The following B3GALNT2 variants were observed in gnomAD, a reference collection of about 807,000 sequenced individuals.
B3GALNT2 encodes the protein beta-1,3-N-acetylgalactosaminyltransferase 2.
In B3GALNT2, 53 loss-of-function variants were observed where a neutral mutation model predicts 61.1. The observed-to-expected ratio is 0.87, with a 90% CI of 0.70 to 1.09. The LOEUF is 1.09. B3GALNT2 is among the 50% of genes least tolerant of loss of function. The pLI is 0.00. For missense variants in B3GALNT2, 544 were observed against 623.0 expected (o/e 0.87, Z 1.35); for synonymous variants, 223 against 237.4 (o/e 0.94, Z 0.56).
Position 235,449,432 on chromosome 1 carries a change from C to T in B3GALNT2, c.*774G>A, listed in dbSNP as rs1376920390. The T allele has an allele frequency of 6.5e-6, 1 of 153,370 alleles. No homozygotes were observed. Among genetic ancestry groups the T allele is most frequent in the Non-Finnish European group, 1.5e-5 (1 of 68,934 alleles). 9.5% of individuals were successfully genotyped at this position (153,370 alleles called of 1,614,324 possible). A position where few individuals can be genotyped will look rare whatever the true frequency, so the allele number is the denominator to read the frequency against. On this transcript the variant is annotated 3_prime_UTR_variant, in exon 12 of 12. Transcript: ENST00000366600. ...AAATGTCAACAAAATTTAGAAATAT[C>T]CTTCCCGATGGCACTAAAACCCTGA...
At chr1:235,496,335 C>A in intron 1 of B3GALNT2, 5 of 1,027,816 alleles carry the variant, frequency 4.9e-6, no homozygotes, top group Admixed American at 4.3e-5. Flanking sequence ...AGTTCCATTC[C>A]AAATGGAATA....
At chr1:235,483,324 C>T (rs1220488791) in intron 4 of B3GALNT2, among the ~76,000 whole-genome samples, 3 of 152,198 alleles carry the variant, frequency 2.0e-5, no homozygotes, top group East Asian at 1.9e-4. Flanking sequence ...ATAGAGAGAG[C>T]GAGCGAAGTC....
chr1:235,466,867 A>G (rs1274894142), intron 6 of B3GALNT2, among the ~76,000 whole-genome samples: 1 of 152,200 alleles, frequency 6.6e-6, no homozygotes, highest in Non-Finnish European at 1.5e-5. Context: ...TGTGGGCTAG[A>G]TCAGACAGTT....
chr1:235,463,933 A>G (rs1683556701), intron 7 of B3GALNT2: 1 of 152,224 alleles, frequency 6.6e-6, no homozygotes, highest in African/African-American at 2.4e-5. Flanking sequence ...AAAGACGCAG[A>G]CACATAGATC....
chr1:235,447,048 G>A (rs1395039871), downstream of B3GALNT2, among the ~76,000 whole-genome samples: 8 of 152,208 alleles, frequency 5.3e-5, no homozygotes, highest in South Asian at 1.7e-3. Flanking sequence ...CCCCACTGGT[G>A]TGCAGCAGGT....
intron 3 of B3GALNT2, among the ~76,000 whole-genome samples, chr1:235,485,346 C>A (rs1177557498): frequency 6.6e-6 from 1 of 152,220 alleles, no homozygotes; most frequent in Non-Finnish European, 1.5e-5. Context: ...GAGACAGTCA[C>A]CCAGTCACCC....
At chr1:235,458,288 A>T (rs1412021084) in intron 8 of B3GALNT2, among the ~76,000 whole-genome samples, 1 of 152,150 alleles carries the variant, frequency 6.6e-6, no homozygotes, top group Non-Finnish European at 1.5e-5. Context: ...CAGTTTTCGC[A>T]AGGAACTGGG....
intron 2 of B3GALNT2, among the ~76,000 whole-genome samples, chr1:235,490,189 G>A (rs958853096): frequency 3.9e-5 from 6 of 152,002 alleles, no homozygotes; most frequent in African/African-American, 1.5e-4. Flanking sequence ...TATTCTCATG[G>A]CTTCAAATAG....
chr1:235,452,762 C>T (rs916842595), intron 11 of B3GALNT2, among the ~76,000 whole-genome samples: 1 of 152,058 alleles, frequency 6.6e-6, no homozygotes, highest in Non-Finnish European at 1.5e-5. Flanking sequence ...CCATGTTGCC[C>T]AGGCTGGTCT....
intron 5 of B3GALNT2, among the ~76,000 whole-genome samples, chr1:235,475,798 C>T (rs1300029701): frequency 6.6e-6 from 1 of 152,028 alleles, no homozygotes; most frequent in Non-Finnish European, 1.5e-5. Context: ...ATAATCTTAG[C>T]TCCCCACCAG....
chr1:235,454,130 C>T (rs200441897), intron 10 of B3GALNT2, 26 bp downstream of exon 10: 53 of 1,571,474 alleles, frequency 3.4e-5, no homozygotes, highest in African/African-American at 6.8e-5. Context: ...AGAGCCACCA[C>T]GCCAAGCTAA....
At position 235,474,969 on chromosome 1, in the gene B3GALNT2, ATATATATATATATATATAT is replaced by A. The variant is rs1278585632; in HGVS notation, c.652-4028_652-4010del. Among the ~76,000 whole-genome samples, 206 of 28,778 alleles carry A rather than the reference ATATATATATATATATATAT, an allele frequency of 7.2e-3. 6 individuals carry two copies. Among genetic ancestry groups the A allele is most frequent in the Non-Finnish European group, 9.8e-3 (161 of 16,460 alleles). 18.9% of individuals were successfully genotyped at this position (28,778 alleles called of 152,430 possible). On this transcript the variant is annotated intron_variant, in intron 5 of 11. Coordinates refer to ENST00000366600, the MANE Select transcript of B3GALNT2 (RefSeq NM_152490.5). ...TAGAGACATATATATATATATATAT[ATATATATATATATATATAT>A]TTTTTTTTTTTTTTTTTTTTTTGAG...
At chr1:235,444,036 A>T (rs1682076148), downstream of B3GALNT2, among the ~76,000 whole-genome samples, 1 of 152,238 alleles carries the variant, frequency 6.6e-6, no homozygotes, top group African/African-American at 2.4e-5. Context: ...AATGAAATAC[A>T]CATCAGCTTA....
intron 5 of B3GALNT2, among the ~76,000 whole-genome samples, chr1:235,477,038 ATAAG>A (rs1290740882): frequency 1.3e-5 from 2 of 151,632 alleles, no homozygotes; most frequent in Non-Finnish European, 2.9e-5. Context: ...AAAAAAAAAA[ATAAG>A]TAAATAAAAA....
chr1:235,465,771 T>C (rs1683665484), intron 6 of B3GALNT2, 57 bp from the exon 7 acceptor site: 1 of 1,587,312 alleles, frequency 6.3e-7, no homozygotes, highest in Admixed American at 1.8e-5. Flanking sequence ...CTGATCATAT[T>C]TTAAAATCGA....
chr1:235,463,214 TGGGGACTTG>T (rs1428069729), intron 7 of B3GALNT2, among the ~76,000 whole-genome samples: 1 of 151,870 alleles, frequency 6.6e-6, no homozygotes, highest in African/African-American at 2.4e-5. Flanking sequence ...CAATGGACTT[TGGGGACTTG>T]GTGGGGACAG....
intron 3 of B3GALNT2, among the ~76,000 whole-genome samples, chr1:235,487,118 G>A (rs184864839): frequency 2.2e-3 from 334 of 149,800 alleles, no homozygotes; most frequent in Middle Eastern, 3.5e-3. Flanking sequence ...CCGAGATCGC[G>A]CCATTGCACT....
intron 9 of B3GALNT2, 108 bp from the exon 10 acceptor site, chr1:235,454,423 G>A: frequency 8.8e-7 from 1 of 1,136,574 alleles, no homozygotes; most frequent in South Asian, 1.9e-5. Context: ...TTGTAGAAGT[G>A]AGGAAAGAAA....
chr1:235,445,705 A>C (rs981842447), downstream of B3GALNT2, among the ~76,000 whole-genome samples: 8 of 152,178 alleles, frequency 5.3e-5, no homozygotes, highest in African/African-American at 1.9e-4. Flanking sequence ...AAATTAAAAT[A>C]ATACTGGCTG....
Sources: allele counts gnomAD v4.1 joint callset (sites outside exome capture counted in the v4.1 genomes callset), GRCh38; gene constraint gnomAD v4.1.1; transcripts MANE v1.5; gene names NCBI Gene and HGNC (gene_info 2026-07-23, HGNC 2026-07-21).